Variants in NALF1 observed in about 807,000 individuals in gnomAD.
NALF1 encodes the protein NALCN channel auxiliary factor 1, also known as family with sequence similarity 155 member A.
Under a neutral mutation model 48.4 loss-of-function variants are expected in NALF1, and 3 were observed. That is an observed-to-expected ratio of 0.06 (90% confidence interval 0.03 to 0.16). The LOEUF (loss-of-function observed/expected upper bound fraction) is 0.16. Ranked by LOEUF, NALF1 falls within the 10% of genes least tolerant of loss-of-function variation. The pLI is 1.00. For synonymous variants in NALF1, 262 were observed against 245.7 expected (o/e 1.07, Z -0.62); for missense variants, 526 against 571.5 (o/e 0.92, Z 0.81).
intron 1 of NALF1, among the ~76,000 whole-genome samples, chr13:107,390,427 T>C (rs1447164443): frequency 6.6e-6 from 1 of 152,008 alleles, no homozygotes; most frequent in East Asian, 1.9e-4. Flanking sequence ...AAATTGACAT[T>C]AGAAAGCTTA....
At chr13:107,384,812 C>G (rs560730732) in intron 1 of NALF1, among the ~76,000 whole-genome samples, 1 of 152,192 alleles carries the variant, frequency 6.6e-6, no homozygotes, top group Admixed American at 6.5e-5. Context: ...AAAAGTAAAC[C>G]AAACACATGT....
intron 1 of NALF1, among the ~76,000 whole-genome samples, chr13:107,836,413 A>G (rs1879890205): frequency 6.6e-6 from 1 of 152,210 alleles, no homozygotes; most frequent in Admixed American, 6.5e-5. Flanking sequence ...GAGAATAGTA[A>G]GCCTTGAAAT....
chr13:107,775,189 G>C (rs912202200), intron 1 of NALF1, among the ~76,000 whole-genome samples: 1 of 148,184 alleles, frequency 6.7e-6, no homozygotes, highest in African/African-American at 2.5e-5. Flanking sequence ...ATATCTCCCA[G>C]TGCTATCCCT....
chr13:107,745,831 T>A (rs1377192187), intron 1 of NALF1, among the ~76,000 whole-genome samples: 1 of 152,136 alleles, frequency 6.6e-6, no homozygotes, highest in Non-Finnish European at 1.5e-5. Context: ...GATCTGATGG[T>A]CTTATAAGGG....
At chr13:107,632,209 C>A (rs928196217) in intron 1 of NALF1, among the ~76,000 whole-genome samples, 1 of 152,132 alleles carries the variant, frequency 6.6e-6, no homozygotes, top group Non-Finnish European at 1.5e-5. Flanking sequence ...CTATATCTAT[C>A]TCTGTATCCA....
At chr13:107,632,616 G>A (rs1879863566) in intron 1 of NALF1, among the ~76,000 whole-genome samples, 1 of 152,028 alleles carries the variant, frequency 6.6e-6, no homozygotes, top group African/African-American at 2.4e-5. Flanking sequence ...GTAGACTAAT[G>A]TCACTTGCTC....
chr13:107,226,309 C>T (rs757688574), intron 1 of NALF1, among the ~76,000 whole-genome samples: 1 of 152,192 alleles, frequency 6.6e-6, no homozygotes, highest in Non-Finnish European at 1.5e-5. Context: ...AAGATACTCA[C>T]TATTATTTAA....
At chr13:107,194,737 G>T (rs1594064224) in intron 2 of NALF1, among the ~76,000 whole-genome samples, 1 of 152,006 alleles carries the variant, frequency 6.6e-6, no homozygotes, top group South Asian at 2.1e-4. Flanking sequence ...TAAACTAAAA[G>T]CCTTCTGCAC....
At chr13:107,487,781 A>T (rs1275032038) in intron 1 of NALF1, among the ~76,000 whole-genome samples, 2 of 152,098 alleles carry the variant, frequency 1.3e-5, no homozygotes, top group African/African-American at 4.8e-5. Flanking sequence ...TATCAGGATG[A>T]TGCTGGCCTT....
At chr13:107,738,945 A>C (rs929908184) in intron 1 of NALF1, among the ~76,000 whole-genome samples, 2 of 152,192 alleles carry the variant, frequency 1.3e-5, no homozygotes, top group African/African-American at 4.8e-5. Context: ...TACAGGTGTG[A>C]GCCACCTCGC....
rs1039660219 is a variant in NALF1, at chr13:107,170,444, T to C, written c.*53A>G. The C allele has an allele frequency of 1.9e-6, 3 of 1,542,058 alleles. No individual in the cohort carries two copies. Among genetic ancestry groups the C allele is most frequent in the Middle Eastern group, 2.1e-4 (1 of 4,842 alleles). ...CAGTTTCTGTTACATGAGACAGCAG[T>C]TGCCATTTTTCACGGCGGGCCAGCT... On this transcript the variant is annotated 3_prime_UTR_variant, in exon 3 of 3. Transcript: ENST00000375915.
At chr13:107,508,339 T>C (rs1316339730) in intron 1 of NALF1, among the ~76,000 whole-genome samples, 2 of 151,360 alleles carry the variant, frequency 1.3e-5, no homozygotes, top group Non-Finnish European at 2.9e-5. Flanking sequence ...TTAATGTACA[T>C]ATTACATATC....
At position 107,620,398 on chromosome 13, in the gene NALF1, T is replaced by C. The variant is rs112253840; in HGVS notation, c.915+245284A>G. Among the ~76,000 whole-genome samples the C allele has an allele frequency of 1.4e-3, 219 of 152,332 alleles. 1 individual carries two copies. Among genetic ancestry groups the C allele is most frequent in the African/African-American group, 4.7e-3 (195 of 41,586 alleles). On this transcript the variant is annotated intron_variant, in intron 1 of 2. Coordinates refer to ENST00000375915, the MANE Select transcript of NALF1 (RefSeq NM_001080396.3). Reference sequence around the variant, plus strand: ...AGTGATACAGGAAAATCTTTAATTGTGTGTGCCATTTGAAAATTCTAAGAG... The same window carrying C: ...AGTGATACAGGAAAATCTTTAATTGCGTGTGCCATTTGAAAATTCTAAGAG...
At chr13:107,464,695 T>C (rs1884972463) in intron 1 of NALF1, among the ~76,000 whole-genome samples, 1 of 152,016 alleles carries the variant, frequency 6.6e-6, no homozygotes, top group African/African-American at 2.4e-5. Context: ...AAATTTTGTA[T>C]TTTTAGTAGA....
At chr13:107,857,561 G>C (rs2138647271) in intron 1 of NALF1, among the ~76,000 whole-genome samples, 1 of 152,230 alleles carries the variant, frequency 6.6e-6, no homozygotes, top group South Asian at 2.1e-4. Context: ...CACCTATCAG[G>C]ATCCAGTCAA....
chr13:107,318,269 T>G lies in NALF1; in HGVS notation c.916-107514A>C, dbSNP rs74116008. Among the ~76,000 whole-genome samples the G allele has an allele frequency of 3.8e-3, 573 of 152,270 alleles. 3 individuals are homozygous for G. The highest frequency in any genetic ancestry group is 0.013 in the African/African-American group (544 of 41,570). On this transcript the variant is annotated intron_variant, in intron 1 of 2. Coordinates refer to ENST00000375915, the MANE Select transcript of NALF1 (RefSeq NM_001080396.3). ...AGCTTTTTGAAAATTTTCACCTGTT[T>G]GTTATCAACTGCACAATTCCGGCTT...
At chr13:107,854,601 G>A (rs938298303) in intron 1 of NALF1, among the ~76,000 whole-genome samples, 2 of 152,100 alleles carry the variant, frequency 1.3e-5, no homozygotes, top group African/African-American at 2.4e-5. Context: ...GGTCAGCGGC[G>A]GTGGCTCACG....
At chr13:107,262,984 C>T (rs140498380) in intron 1 of NALF1, among the ~76,000 whole-genome samples, 2,050 of 152,088 alleles carry the variant, frequency 0.013, 33 homozygotes, top group African/African-American at 0.046. Context: ...CAGGGCTGTA[C>T]CTTTAAATGT....
rs1315330395 is a variant in NALF1, at chr13:107,172,931, C to T, written c.1088-2145G>A. 5.3e-5 allele frequency among the ~76,000 whole-genome samples: 8 copies of T among 152,160 alleles called. No individual in the cohort carries two copies. In the South Asian group the frequency reaches 1.2e-3, roughly 24 times the overall value. ...AGTTCATTCAGGCCAATAAATGAAC[C>T]CTTCTTTTTGTCTGGCACAATTAAT... On this transcript the variant is annotated intron_variant, in intron 2 of 2. Transcript: ENST00000375915.
Sources: gnomAD v4.1 joint callset for allele counts (sites outside exome capture counted in the v4.1 genomes callset) on GRCh38, gnomAD v4.1.1 for gene constraint, MANE v1.5 for transcripts, NCBI Gene and HGNC (gene_info 2026-07-23, HGNC 2026-07-21) for gene names.